Variants in TMEM232 observed in about 807,000 individuals in gnomAD.
TMEM232 encodes transmembrane protein 232.
Under a neutral mutation model 78.8 loss-of-function variants are expected in TMEM232, and 80 were observed. That is an observed-to-expected ratio of 1.01 (90% CI 0.85 to 1.22). The LOEUF is 1.22. TMEM232 is among the 50% of genes most tolerant of loss of function. TMEM232 has a pLI of 0.00. For missense variants in TMEM232, 881 were observed against 742.2 expected (o/e 1.19, Z -2.17); for synonymous variants, 297 against 254.3 (o/e 1.17, Z -1.60).
At chr5:110,562,957 AATAGAT>A (rs574962129) in intron 11 of TMEM232, among the ~76,000 whole-genome samples, 1 of 152,058 alleles carries the variant, frequency 6.6e-6, no homozygotes, top group Non-Finnish European at 1.5e-5. Context: ...TTTTAAATAA[AATAGAT>A]ATAGAGTTAA....
intron 1 of TMEM232, among the ~76,000 whole-genome samples, chr5:110,683,504 G>A (rs138448613): frequency 2.0e-5 from 3 of 151,672 alleles, no homozygotes; most frequent in African/African-American, 7.2e-5. Context: ...ATAATCAAAA[G>A]AATAACCAGC....
chr5:110,484,229 G>A lies in TMEM232; in HGVS notation c.1703+44359C>T, dbSNP rs1247752910. Among the ~76,000 whole-genome samples the A allele has an allele frequency of 5.3e-5, 8 of 151,938 alleles. No homozygotes were observed. The East Asian group carries it at 1.3e-3, about 26-fold the overall frequency. ...TGCTCACTACCCAAATGACAGAATC[G>A]TTTGTATGCCAAACCCCATCAACAC... is the stretch of plus-strand genomic sequence containing the variant. On this transcript the variant is annotated intron_variant, in intron 12 of 13. Transcript: ENST00000455884.
intron 12 of TMEM232, among the ~76,000 whole-genome samples, chr5:110,525,890 A>C (rs944945647): frequency 6.6e-6 from 1 of 151,320 alleles, no homozygotes; most frequent in Non-Finnish European, 1.5e-5. Context: ...ATTAGACAAA[A>C]AAAGAAATGG....
intron 1 of TMEM232, among the ~76,000 whole-genome samples, chr5:110,685,222 T>C (rs1385345448): frequency 1.3e-5 from 2 of 152,174 alleles, no homozygotes; most frequent in Non-Finnish European, 2.9e-5. Flanking sequence ...AAATGGCACT[T>C]CAGAGGAAAT....
At chr5:110,534,820 A>T (rs1772075954) in intron 11 of TMEM232, among the ~76,000 whole-genome samples, 1 of 152,170 alleles carries the variant, frequency 6.6e-6, no homozygotes, top group East Asian at 1.9e-4. Context: ...TAGACCTTTT[A>T]TACCTGTTTT....
At chr5:110,618,237 AAG>A (rs1439360096) in intron 8 of TMEM232, among the ~76,000 whole-genome samples, 190 bp downstream of exon 8, 1 of 152,198 alleles carries the variant, frequency 6.6e-6, no homozygotes, top group Non-Finnish European at 1.5e-5. Flanking sequence ...AAAGCAGAAA[AAG>A]AGAGAAACGA....
chr5:110,437,468 C>A (rs1035917356), intron 12 of TMEM232, among the ~76,000 whole-genome samples: 1 of 151,864 alleles, frequency 6.6e-6, no homozygotes, highest in East Asian at 1.9e-4. Flanking sequence ...ATAGTTGTTC[C>A]TTCTGTAAGG....
At chr5:110,667,911 C>G (rs2416242) in intron 1 of TMEM232, among the ~76,000 whole-genome samples, 5,362 of 151,942 alleles carry the variant, frequency 0.035, 302 homozygotes, top group African/African-American at 0.12. Flanking sequence ...CTTGTTTTTA[C>G]GCCCAGAATG....
At position 110,466,177 on chromosome 5, in the gene TMEM232, T is replaced by C. The variant is rs117702826; in HGVS notation, c.1704-41261A>G. ...AAAAATTCCCAAAATATTACCTTAG[T>C]ACTGCTAAGGCAAAAGAAAGTGATA... On this transcript the variant is annotated intron_variant, in intron 12 of 13. Transcript: ENST00000455884. 6.2e-3 allele frequency among the ~76,000 whole-genome samples: 937 copies of C among 152,310 alleles called. 10 individuals are homozygous for C. Among genetic ancestry groups the C allele is most frequent in the East Asian group, 0.043 (222 of 5,184 alleles).
At chr5:110,699,838 T>C (rs1235374824) in intron 1 of TMEM232, among the ~76,000 whole-genome samples, 1 of 152,026 alleles carries the variant, frequency 6.6e-6, no homozygotes, top group Non-Finnish European at 1.5e-5. Flanking sequence ...CTAAACCAAG[T>C]GGGGAACCTT....
chr5:110,465,041 A>T (rs1182060920), intron 12 of TMEM232, among the ~76,000 whole-genome samples: 2 of 152,228 alleles, frequency 1.3e-5, no homozygotes, highest in African/African-American at 4.8e-5. Context: ...CTTTTCTCAA[A>T]GAAAGCTGAG....
intron 1 of TMEM232, among the ~76,000 whole-genome samples, chr5:110,703,504 G>A (rs1016917246): frequency 1.3e-5 from 2 of 152,006 alleles, no homozygotes; most frequent in South Asian, 2.1e-4. Context: ...GGATCTCAAG[G>A]TTGTTTCTCT....
At chr5:110,668,888 T>A (rs1315008404) in intron 1 of TMEM232, among the ~76,000 whole-genome samples, 1 of 152,112 alleles carries the variant, frequency 6.6e-6, no homozygotes, top group Non-Finnish European at 1.5e-5. Context: ...ACTGGGTACA[T>A]AACGAAATGA....
At chr5:110,461,803 G>C (rs1235036571) in intron 12 of TMEM232, among the ~76,000 whole-genome samples, 1 of 152,096 alleles carries the variant, frequency 6.6e-6, no homozygotes, top group African/African-American at 2.4e-5. Flanking sequence ...TCTAAATATA[G>C]TTTAACAAAG....
At chr5:110,661,941 C>CT (rs577922876) in intron 2 of TMEM232, among the ~76,000 whole-genome samples, 251 of 152,058 alleles carry the variant, frequency 1.7e-3, no homozygotes, top group African/African-American at 5.6e-3. Flanking sequence ...ATTTGTATGT[C>CT]TTTTTTTGAG....
chr5:110,686,582 T>C (rs759922286), intron 1 of TMEM232, among the ~76,000 whole-genome samples: 1 of 152,034 alleles, frequency 6.6e-6, no homozygotes, highest in South Asian at 2.1e-4. Flanking sequence ...AAAAAAATTG[T>C]TTTAAGCCAC....
chr5:110,536,970 C>T (rs566971797), intron 11 of TMEM232, among the ~76,000 whole-genome samples: 10 of 152,240 alleles, frequency 6.6e-5, no homozygotes, highest in Admixed American at 3.9e-4. Flanking sequence ...AAAGCAGTGC[C>T]AGCACCCATC....
At chr5:110,712,391 C>A (rs114934915) in intron 1 of TMEM232, among the ~76,000 whole-genome samples, 12,983 of 151,808 alleles carry the variant, frequency 0.086, 576 homozygotes, top group Admixed American at 0.12. Flanking sequence ...TCAAACAACT[C>A]TATAGGAAAA....
At chr5:110,554,988 T>C (rs1581195468) in intron 11 of TMEM232, among the ~76,000 whole-genome samples, 1 of 152,100 alleles carries the variant, frequency 6.6e-6, no homozygotes. Context: ...GAGGTTTTAT[T>C]TGGGGAAGGC....
Sources: gnomAD v4.1 joint callset for allele counts (sites outside exome capture counted in the v4.1 genomes callset) on GRCh38, gnomAD v4.1.1 for gene constraint, MANE v1.5 for transcripts, NCBI Gene and HGNC (gene_info 2026-07-23, HGNC 2026-07-21) for gene names.